SSH2: variants seen among roughly 807,000 people sequenced by gnomAD.
SSH2 encodes protein phosphatase Slingshot homolog 2.
Under a neutral mutation model 135.2 loss-of-function variants are expected in SSH2, and 37 were observed. That is an observed-to-expected ratio of 0.27 (90% confidence interval 0.21 to 0.36). The LOEUF (loss-of-function observed/expected upper bound fraction) is 0.36. SSH2 is among the 10% of genes least tolerant of loss of function. SSH2 has a pLI of 1.00. For missense variants in SSH2, 1,408 were observed against 1,765.3 expected, an observed-to-expected ratio of 0.80 and a Z score of 3.63; for synonymous variants, 628 against 646.2, an observed-to-expected ratio of 0.97 and a Z score of 0.43.
intron 3 of SSH2, among the ~76,000 whole-genome samples, chr17:29,781,315 A>T (rs1349897446): frequency 1.3e-5 from 2 of 152,154 alleles, no homozygotes; most frequent in Non-Finnish European, 2.9e-5. Context: ...ATGAAGTCCT[A>T]TCTCAAAGAT....
intron 1 of SSH2, chr17:29,928,269 C>T: frequency 3.0e-6 from 1 of 328,714 alleles, no homozygotes; most frequent in Non-Finnish European, 5.4e-6. Context: ...GCATAAAGTA[C>T]TACACATAAG....
intron 3 of SSH2, among the ~76,000 whole-genome samples, chr17:29,710,128 G>C (rs2039381468): frequency 6.6e-6 from 1 of 152,158 alleles, no homozygotes; most frequent in Non-Finnish European, 1.5e-5. Flanking sequence ...GGAAGGTCAA[G>C]GAAGCAAAAC....
chr17:29,851,461 G>A (rs751458634), intron 1 of SSH2, among the ~76,000 whole-genome samples: 157 of 151,832 alleles, frequency 1.0e-3, no homozygotes, highest in South Asian at 4.0e-3. Flanking sequence ...GCATGGTGGC[G>A]GGCACCTGTA....
At chr17:29,820,779 T>G (rs1217409936) in intron 2 of SSH2, among the ~76,000 whole-genome samples, 1 of 152,212 alleles carries the variant, frequency 6.6e-6, no homozygotes, top group Non-Finnish European at 1.5e-5. Context: ...AGACTTTAGA[T>G]TTTTAATTCT....
chr17:29,662,411 T>C (rs1460814999), intron 11 of SSH2, among the ~76,000 whole-genome samples: 1 of 152,212 alleles, frequency 6.6e-6, no homozygotes, highest in Admixed American at 6.5e-5. Context: ...TATCATATCA[T>C]TCCTATAGCC....
intron 12 of SSH2, among the ~76,000 whole-genome samples, 169 bp downstream of exon 12, chr17:29,655,392 C>G (rs1019421909): frequency 1.3e-4 from 20 of 152,148 alleles, no homozygotes; most frequent in Admixed American, 1.2e-3. Context: ...CGTGAGTCAC[C>G]GTGCCCGGCC....
chr17:29,921,048 A>C (rs952730151), intron 1 of SSH2, among the ~76,000 whole-genome samples: 3 of 152,208 alleles, frequency 2.0e-5, no homozygotes, highest in African/African-American at 7.2e-5. Context: ...ATAATAAAAC[A>C]TATAATAGTA....
At chr17:29,910,879 C>T (rs1192410107) in intron 1 of SSH2, among the ~76,000 whole-genome samples, 1 of 151,930 alleles carries the variant, frequency 6.6e-6, no homozygotes, top group African/African-American at 2.4e-5. Flanking sequence ...TAATTTTGGC[C>T]CATAAACTTG....
chr17:29,915,907 G>A (rs62070267), intron 1 of SSH2, among the ~76,000 whole-genome samples: 62,877 of 150,896 alleles, frequency 0.42, 15,052 homozygotes, highest in East Asian at 0.69. Flanking sequence ...GTATACATGT[G>A]CCATGTTGGT....
chr17:29,734,492 T>C (rs1257882066), intron 3 of SSH2, among the ~76,000 whole-genome samples: 2 of 152,140 alleles, frequency 1.3e-5, no homozygotes, highest in Non-Finnish European at 2.9e-5. Context: ...GCACATTCAC[T>C]TCACTAAATA....
rs2150959410 is a variant in SSH2 at position 29,631,494 on chromosome 17, G to A, written c.3700C>T (p.Pro1234Ser). The A allele has an allele frequency of 6.8e-6, 11 of 1,614,126 alleles. No homozygotes were observed. The highest frequency in any genetic ancestry group is 7.6e-6 in the Non-Finnish European group (9 of 1,180,032). ...CTATGTGGGAGTCGACAGGCTACAG[G>A]CAATGGGTCCATTTTCTCCTGTAAC... ...GELQEKMDPLPVACRLPHSSS... is the reference protein window; with the variant it reads ...GELQEKMDPLSVACRLPHSSS... Residue 1234 changes from proline to serine, a missense_variant, in exon 16 of 16, where the codon CCT becomes TCT. This residue lies in a region of SSH2 where 1,080 missense variants were observed against 1,144.5 expected (regional missense o/e 0.94). Transcript: ENST00000540801.
chr17:29,630,856 G>C lies in SSH2; in HGVS notation c.4338C>G (p.Phe1446Leu), dbSNP rs1328925159. Residue 1446 changes from phenylalanine to leucine, a missense_variant, in exon 16 of 16, where the codon TTC becomes TTG. By Grantham distance (22) the Phe-to-Leu change is conservative. Around this residue, in one of 3 missense-constraint regions of SSH2, gnomAD observed 1,080 missense variants for 1,144.5 expected, o/e 0.94. Coordinates refer to ENST00000540801, the MANE Select transcript of SSH2 (RefSeq NM_001282129.2). ...AGGCTCAGAATCACATGGTATTATAGAAGGGGTTGGTTGTCCGTTTTTTGT... is the reference window on the plus strand; with the variant it reads ...AGGCTCAGAATCACATGGTATTATACAAGGGGTTGGTTGTCCGTTTTTTGT... ...ANDKKRTTNP[F>L]YNTM The C allele has an allele frequency of 1.3e-6, 2 of 1,552,810 alleles. No individual in the cohort carries two copies. Among genetic ancestry groups the C allele is most frequent in the East Asian group, 2.3e-5 (1 of 44,060 alleles).
At chr17:29,777,071 G>A (rs2041719006) in intron 3 of SSH2, among the ~76,000 whole-genome samples, 2 of 152,216 alleles carry the variant, frequency 1.3e-5, no homozygotes, top group East Asian at 3.9e-4. Context: ...AATCAGCTGG[G>A]CATGGTGGCG....
At chr17:29,800,406 T>C (rs574166645) in intron 2 of SSH2, among the ~76,000 whole-genome samples, 2 of 152,308 alleles carry the variant, frequency 1.3e-5, no homozygotes, top group South Asian at 4.1e-4. Context: ...AGCATTCAAA[T>C]GGTAGCTGAA....
chr17:29,829,550 T>G (rs898709485), intron 2 of SSH2, among the ~76,000 whole-genome samples: 1 of 152,186 alleles, frequency 6.6e-6, no homozygotes, highest in Non-Finnish European at 1.5e-5. Flanking sequence ...CCTTCGCTGC[T>G]GTATTCACAT....
chr17:29,645,852 T>A (rs1041755065), intron 14 of SSH2: 1 of 152,140 alleles, frequency 6.6e-6, no homozygotes, highest in Non-Finnish European at 1.5e-5. Context: ...GGTTTTTTAG[T>A]GGAAACCATA....
Position 29,640,920 on chromosome 17 carries a change from AT to A in SSH2, c.1428-4119del, listed in dbSNP as rs373904783. ...CACTGTATATATTCTTCACCAATGG[AT>A]TTTTTTTTTAAAGATTCATCACTGT... On this transcript the variant is annotated intron_variant, in intron 14 of 15. Transcript: ENST00000540801. 3.9e-4 allele frequency: 58 copies of A among 149,762 alleles called. No homozygotes were observed. The East Asian group carries it at 5.1e-3, about 13-fold the overall frequency. 9.3% of individuals were successfully genotyped at this position (149,762 alleles called of 1,614,324 possible).
intron 3 of SSH2, among the ~76,000 whole-genome samples, chr17:29,774,516 T>C (rs2041655187): frequency 2.0e-5 from 3 of 152,198 alleles, no homozygotes; most frequent in Admixed American, 6.5e-5. Flanking sequence ...CCACCCGCCT[T>C]GGCCTCCCAA....
intron 1 of SSH2, among the ~76,000 whole-genome samples, chr17:29,924,216 C>T (rs1345342963): frequency 6.6e-6 from 1 of 152,064 alleles, no homozygotes; most frequent in Non-Finnish European, 1.5e-5. Flanking sequence ...GGAAAAGCAT[C>T]ACTTGTGTTT....
Sources: allele counts gnomAD v4.1 joint callset (sites outside exome capture counted in the v4.1 genomes callset), GRCh38; gene constraint gnomAD v4.1.1; regional missense constraint gnomAD v4.1.1; transcripts MANE v1.5; gene names NCBI Gene and HGNC (gene_info 2026-07-23, HGNC 2026-07-21).